TMEM117: variants seen among roughly 807,000 people sequenced by gnomAD.
The protein encoded by TMEM117 is transmembrane protein 117.
Under a neutral mutation model 52.4 loss-of-function variants are expected in TMEM117, and 27 were observed. That is an observed-to-expected ratio of 0.51 (90% CI 0.38 to 0.71). TMEM117 has a LOEUF of 0.71. Ranked by LOEUF, TMEM117 falls within the 30% of genes least tolerant of loss-of-function variation. TMEM117 has a pLI of 0.00. For synonymous variants in TMEM117, 215 were observed against 206.3 expected (o/e 1.04, Z -0.36); for missense variants, 556 against 630.5 (o/e 0.88, Z 1.26).
intron 2 of TMEM117, among the ~76,000 whole-genome samples, chr12:43,867,089 T>C (rs1474681964): frequency 6.7e-6 from 1 of 149,970 alleles, no homozygotes. Flanking sequence ...AAACTCCATC[T>C]CAAGAGAAAA....
Position 44,196,409 on chromosome 12 carries a change from A to C in TMEM117, c.511-14881A>C, listed in dbSNP as rs187004345. On this transcript the variant is annotated intron_variant, in intron 4 of 7. Transcript: ENST00000266534. ...ACAAATAAACCATGTGAAAAAAATA[A>C]ACTATCAACAGATGCAGCAGAGATC... Among the ~76,000 whole-genome samples, 375 of 152,330 alleles carry C rather than the reference A, an allele frequency of 2.5e-3. 2 individuals carry two copies. Among genetic ancestry groups the C allele is most frequent in the African/African-American group, 8.6e-3 (357 of 41,580 alleles).
intron 4 of TMEM117, among the ~76,000 whole-genome samples, chr12:44,171,205 C>G (rs1337093840): frequency 6.6e-6 from 1 of 151,940 alleles, no homozygotes; most frequent in Non-Finnish European, 1.5e-5. Context: ...TTAGTAGAGA[C>G]AGGGTTTCAC....
rs187183909 is a variant in TMEM117, at chr12:44,124,356, A to T, written c.411-19169A>T. On this transcript the variant is annotated intron_variant, in intron 3 of 7. Transcript: ENST00000266534. ...GATCATGTCATCTGCAAGCAAAGAC[A>T]ATTTGACTTCCTCTCTTTCTATTTG... Among the ~76,000 whole-genome samples the T allele has an allele frequency of 3.7e-4, 56 of 152,308 alleles. No homozygotes were observed. In the East Asian group the frequency reaches 9.9e-3, roughly 27 times the overall value.
chr12:44,310,579 G>T (rs1184824670), intron 6 of TMEM117, among the ~76,000 whole-genome samples: 1 of 152,106 alleles, frequency 6.6e-6, no homozygotes, highest in Admixed American at 6.5e-5. Flanking sequence ...CGGAGGTTGG[G>T]GTGAGCTGAG....
intron 5 of TMEM117, among the ~76,000 whole-genome samples, chr12:44,269,385 G>T (rs566156036): frequency 6.6e-6 from 1 of 151,792 alleles, no homozygotes; most frequent in Non-Finnish European, 1.5e-5. Context: ...AAATGTATCC[G>T]TTTCACACAG....
chr12:44,273,443 G>T (rs1950474176), intron 5 of TMEM117, among the ~76,000 whole-genome samples: 1 of 151,518 alleles, frequency 6.6e-6, no homozygotes, highest in South Asian at 2.1e-4. Context: ...AGAGGAGGAA[G>T]GAATACTTCC....
At chr12:43,997,661 T>G (rs955639759) in intron 3 of TMEM117, among the ~76,000 whole-genome samples, 1 of 152,226 alleles carries the variant, frequency 6.6e-6, no homozygotes, top group African/African-American at 2.4e-5. Flanking sequence ...GTCACTGGCA[T>G]TGTATTTACT....
intron 4 of TMEM117, among the ~76,000 whole-genome samples, chr12:44,209,810 C>A (rs2138393849): frequency 6.6e-6 from 1 of 152,206 alleles, no homozygotes; most frequent in East Asian, 1.9e-4. Flanking sequence ...TCCTTATCCA[C>A]CATTCTGATT....
chr12:44,253,371 T>C (rs1397659005), intron 5 of TMEM117, among the ~76,000 whole-genome samples: 6 of 152,210 alleles, frequency 3.9e-5, no homozygotes. Context: ...TTGTCTTTTA[T>C]GATTTATGCA....
At chr12:43,799,750 C>T in the TMEM117 span, among the ~76,000 whole-genome samples, 13 of 151,996 alleles carry the variant, frequency 8.6e-5, no homozygotes, top group African/African-American at 3.1e-4. Flanking sequence ...GAGTTTCATA[C>T]TGGCAAAGTG....
intron 3 of TMEM117, among the ~76,000 whole-genome samples, chr12:44,054,154 G>C (rs1244279569): frequency 1.3e-5 from 2 of 152,146 alleles, no homozygotes; most frequent in South Asian, 4.1e-4. Context: ...AGATCCCCTG[G>C]GTATCAAAGT....
intron 3 of TMEM117, among the ~76,000 whole-genome samples, chr12:44,073,107 C>CA (rs566576626): frequency 6.6e-6 from 1 of 150,982 alleles, no homozygotes; most frequent in South Asian, 2.1e-4. Context: ...AAAAAAACAA[C>CA]AAAAAAACAA....
At chr12:44,392,808 C>A (rs1312938092), downstream of TMEM117, among the ~76,000 whole-genome samples, 1 of 151,654 alleles carries the variant, frequency 6.6e-6, no homozygotes, top group Non-Finnish European at 1.5e-5. Flanking sequence ...TACTCTAAGT[C>A]TACCCCAGGG....
intron 6 of TMEM117, among the ~76,000 whole-genome samples, chr12:44,364,156 A>G (rs2138816830): frequency 6.6e-6 from 1 of 152,306 alleles, no homozygotes; most frequent in East Asian, 1.9e-4. Context: ...CCTATGGTTC[A>G]CCAAGTACAA....
chr12:44,396,986 AG>A, the TMEM117 span, among the ~76,000 whole-genome samples: 2 of 152,206 alleles, frequency 1.3e-5, no homozygotes, highest in African/African-American at 4.8e-5. Context: ...AGAGGGAGGC[AG>A]GATTATTTCT....
chr12:43,958,897 C>A (rs1011240377), intron 3 of TMEM117, among the ~76,000 whole-genome samples: 34 of 152,112 alleles, frequency 2.2e-4, no homozygotes, highest in African/African-American at 8.0e-4. Flanking sequence ...AGCTCCGCCT[C>A]CCGGGTTCAC....
intron 3 of TMEM117, among the ~76,000 whole-genome samples, chr12:44,003,102 A>G (rs942648982): frequency 6.6e-6 from 1 of 152,194 alleles, no homozygotes. Flanking sequence ...AGTGGAACAC[A>G]GTAACACTCA....
In TMEM117 at chr12:44,299,025, C is replaced by T. The variant is rs141202761; in HGVS notation, c.609-555C>T. Among the ~76,000 whole-genome samples the T allele has an allele frequency of 3.3e-3, 500 of 150,778 alleles. 5 individuals are homozygous for T. Among genetic ancestry groups the T allele is most frequent in the Non-Finnish European group, 4.9e-3 (333 of 68,014 alleles). On this transcript the variant is annotated intron_variant, in intron 5 of 7. Transcript: ENST00000266534. ...CAATGTTTTCTTGGGACACTTACTGCACTAACCAAAGTCATTTTTAATATT... is the reference window on the plus strand; with the variant it reads ...CAATGTTTTCTTGGGACACTTACTGTACTAACCAAAGTCATTTTTAATATT...
the TMEM117 span, chr12:43,797,105 T>C: frequency 6.3e-7 from 1 of 1,582,500 alleles, no homozygotes; most frequent in South Asian, 1.2e-5. Flanking sequence ...AAACTGTAAG[T>C]TCAAATAATA....
Sources: allele counts gnomAD v4.1 joint callset (sites outside exome capture counted in the v4.1 genomes callset), GRCh38; gene constraint gnomAD v4.1.1; transcripts MANE v1.5; gene names NCBI Gene and HGNC (gene_info 2026-07-23, HGNC 2026-07-21).